The following TPM2 variants were observed in gnomAD, a reference collection of about 807,000 sequenced individuals.
TPM2 encodes the protein tropomyosin 2, also known as tropomyosin beta chain.
TPM2 carries 26 observed loss-of-function variants against 41.0 expected under a neutral mutation model. The observed-to-expected ratio is 0.63, with a 90% CI of 0.46 to 0.88. TPM2 has a LOEUF of 0.88. TPM2 is among the 40% of genes least tolerant of loss of function. TPM2 has a pLI of 0.00. For missense variants in TPM2, 187 were observed against 355.2 expected, an observed-to-expected ratio of 0.53 and a Z score of 3.81; for synonymous variants, 143 against 139.3, an observed-to-expected ratio of 1.03 and a Z score of -0.19.
At position 35,685,500 on chromosome 9, in the gene TPM2, T is replaced by C. The variant is rs374856808; in HGVS notation, c.426A>G (p.Glu142=). Residue 142 remains glutamate (E), a synonymous_variant, in exon 4 of 9, where the codon GAA becomes GAG. Coordinates refer to ENST00000645482, the MANE Select transcript of TPM2 (RefSeq NM_003289.4). The surrounding 1 kb of genome is among the most constrained non-coding windows in gnomAD (Gnocchi z 5.0). ...NRAMKDEEKM[E]LQEMQLKEAK... ...CCTCCTTCAGCTGCATCTCCTGCAG[T>C]TCCATCTTCTCCTCATCCTTCATGG... 6.2e-7 allele frequency: 1 copy of C among 1,614,198 alleles called. No individual in the cohort carries two copies. Among genetic ancestry groups the C allele is most frequent in the Non-Finnish European group, 8.5e-7 (1 of 1,180,020 alleles).
rs1466974246 is a variant in TPM2, at chr9:35,689,744, G to A, written c.74C>T (p.Ala25Val). 6.2e-7 allele frequency: 1 copy of A among 1,613,794 alleles called. No homozygotes were observed. Among genetic ancestry groups the A allele is most frequent in the African/African-American group, 1.3e-5 (1 of 75,040 alleles). Reference protein sequence around the residue: ...KENAIDRAEQAEADKKQAEDR... With the variant: ...KENAIDRAEQVEADKKQAEDR... The stretch of plus-strand genomic sequence containing the variant: ...CTCAGCTTGCTTCTTGTCGGCTTCG[G>A]CCTGCTCGGCGCGGTCGATGGCGTT... Residue 25 changes from alanine (A) to valine (V), a missense_variant, in exon 1 of 9, where the codon GCC (alanine) becomes GTC (valine). Physicochemically the swap from Ala to Val is moderately conservative, Grantham distance 64. Transcript: ENST00000645482.
At chr9:35,682,523 C>A, downstream of TPM2, 4 of 1,256,918 alleles carry the variant, frequency 3.2e-6, no homozygotes, top group Non-Finnish European at 4.1e-6. Flanking sequence ...AGAAAACAGA[C>A]CTGCTGCTGC....
intron 1 of TPM2, 85 bp downstream of exon 1, chr9:35,689,619 A>G (rs1041166495): frequency 1.3e-6 from 2 of 1,596,248 alleles, no homozygotes; most frequent in Non-Finnish European, 1.7e-6. Context: ...CTTGGCGGGC[A>G]GGCCCGGGGC....
chr9:35,689,170 C>T lies in TPM2; in HGVS notation c.216G>A (p.Glu72=). The T allele has an allele frequency of 6.2e-7, 1 of 1,614,218 alleles. No homozygotes were observed. The highest frequency in any genetic ancestry group is 8.5e-7 in the Non-Finnish European group (1 of 1,180,036). Residue 72 remains glutamate (E), a synonymous_variant, in exon 2 of 9, where the codon GAG becomes GAA. Transcript: ENST00000645482. The stretch of plus-strand genomic sequence containing the variant: ...CATCAGTGGCCTTCTTCTCGGCCTG[C>T]TCCAGTTTCTCCTGGGCCTCCTTCA... ...ESVKEAQEKL[E]QAEKKATDAE... is the part of the protein sequence containing the mutation.
chr9:35,682,465 A>G (rs1824618567), downstream of TPM2: 2 of 1,317,540 alleles, frequency 1.5e-6, no homozygotes, highest in Non-Finnish European at 2.0e-6. Context: ...AGAAGGTAAG[A>G]CAAAGACTGC....
chr9:35,682,519 CA>C, downstream of TPM2: 1 of 1,260,646 alleles, frequency 7.9e-7, no homozygotes, highest in Non-Finnish European at 1.0e-6. Flanking sequence ...AGGTAGAAAA[CA>C]GACCTGCTGC....
intron 2 of TPM2, among the ~76,000 whole-genome samples, chr9:35,688,236 A>C (rs1825044749): frequency 6.6e-6 from 1 of 152,218 alleles, no homozygotes; most frequent in South Asian, 2.1e-4. Flanking sequence ...AGGTCACAGA[A>C]GCCCAACCCC....
intron 8 of TPM2, among the ~76,000 whole-genome samples, 156 bp from the exon 9 acceptor site, chr9:35,683,397 T>G (rs1288400338): frequency 1.3e-5 from 2 of 152,138 alleles, no homozygotes; most frequent in African/African-American, 4.8e-5. Context: ...GCTGGACAGC[T>G]GTCAGGAACT....
chr9:35,682,019 G>C, downstream of TPM2: 1 of 1,557,666 alleles, frequency 6.4e-7, no homozygotes, highest in Non-Finnish European at 8.9e-7. Flanking sequence ...TGAGAGGCTA[G>C]TAACATCAGT....
In TPM2 at chr9:35,685,254, C is replaced by T. The variant is rs759495779; in HGVS notation, c.563+15G>A. 1.2e-6 allele frequency: 2 copies of T among 1,614,196 alleles called. No individual in the cohort carries two copies. The highest frequency in any genetic ancestry group is 2.2e-5 in the East Asian group (1 of 44,866). On this transcript the variant is annotated intron_variant, in intron 5 of 8. Coordinates refer to ENST00000645482, the MANE Select transcript of TPM2 (RefSeq NM_003289.4). The surrounding 1 kb of genome is among the most constrained non-coding windows in gnomAD (Gnocchi z 5.0). ...AGGGCCAATGGGCTCACTTGTCACC[C>T]CCGGGTATCTTTACCTCTCGGCCAC...
downstream of TPM2, chr9:35,682,242 C>A: frequency 6.9e-7 from 1 of 1,458,920 alleles, no homozygotes; most frequent in Non-Finnish European, 9.6e-7. Context: ...GGGAAGGTGA[C>A]ATATAGACAT....
upstream of TPM2, chr9:35,689,978 C>T: frequency 1.3e-6 from 2 of 1,504,240 alleles, no homozygotes; most frequent in Non-Finnish European, 1.8e-6. Context: ...CCGGGCGGGG[C>T]CGGCAACCAG....
intron 2 of TPM2, 51 bp downstream of exon 2, chr9:35,689,095 C>G (rs757863746): frequency 1.9e-6 from 3 of 1,609,922 alleles, no homozygotes; most frequent in Admixed American, 3.3e-5. Context: ...ACCCGGGGGG[C>G]CCCTTCCCAG....
At chr9:35,682,222 G>T, downstream of TPM2, 1 of 1,566,786 alleles carries the variant, frequency 6.4e-7, no homozygotes, top group Non-Finnish European at 8.8e-7. Flanking sequence ...ACGTGGGGAG[G>T]CAGGGCCAGG....
At position 35,684,559 on chromosome 9, in the gene TPM2, G is replaced by GAC. The variant is rs1824762591; in HGVS notation, c.640-11_640-10dup. 1 of 1,614,084 alleles carries GAC rather than the reference G, an allele frequency of 6.2e-7. No homozygotes were observed. Among genetic ancestry groups the GAC allele is most frequent in the Non-Finnish European group, 8.5e-7 (1 of 1,179,996 alleles). ...TCTTCTTTGGTGGAATACTTTTGGG[G>GAC]ACACACACACGCCATCAGTACAGCG... is the stretch of plus-strand genomic sequence containing the variant. On this transcript the variant is annotated splice_polypyrimidine_tract_variant and intron_variant, in intron 6 of 8. Transcript: ENST00000645482.
In TPM2 at chr9:35,685,192, G is replaced by T. The variant is rs1824825541; in HGVS notation, c.563+77C>A. On this transcript the variant is annotated intron_variant, in intron 5 of 8. Transcript: ENST00000645482. This position sits in a 1 kb window ranked among gnomAD's most constrained non-coding sequence, Gnocchi z 5.0. Reference sequence around the variant, plus strand: ...ACAGGGCCTGTCCCTACAGCCCCAAGCCTAGGATGCTACCTTCCCACTGTG... The same window carrying T: ...ACAGGGCCTGTCCCTACAGCCCCAATCCTAGGATGCTACCTTCCCACTGTG... 8 of 1,614,162 alleles carry T rather than the reference G, an allele frequency of 5.0e-6. No individual in the cohort carries two copies. The highest frequency in any genetic ancestry group is 6.8e-6 in the Non-Finnish European group (8 of 1,180,008).
chr9:35,685,224 G>T lies in TPM2; in HGVS notation c.563+45C>A. On this transcript the variant is annotated intron_variant, in intron 5 of 8. Coordinates refer to ENST00000645482, the MANE Select transcript of TPM2 (RefSeq NM_003289.4). This position sits in a 1 kb window ranked among gnomAD's most constrained non-coding sequence, Gnocchi z 5.0. ...ATGCTACCTTCCCACTGTGTGGAAG[G>T]CCCCAGGGCCAATGGGCTCACTTGT... is the stretch of plus-strand genomic sequence containing the variant. 1.2e-6 allele frequency: 2 copies of T among 1,614,110 alleles called. No individual in the cohort carries two copies. The highest frequency in any genetic ancestry group is 1.7e-6 in the Non-Finnish European group (2 of 1,179,992).
chr9:35,682,900 G>A, downstream of TPM2: 4 of 1,484,646 alleles, frequency 2.7e-6, no homozygotes, highest in Admixed American at 2.1e-5. Flanking sequence ...CGATAGAGGT[G>A]CTCTCTGGAG....
intron 8 of TPM2, 106 bp from the exon 9 acceptor site, chr9:35,683,347 G>A (rs1156246943): frequency 1.5e-5 from 17 of 1,150,022 alleles, no homozygotes; most frequent in Non-Finnish European, 5.1e-6. Context: ...AGAATCAGAG[G>A]TACACAAAGA....
Sources: gnomAD v4.1 joint callset for allele counts (sites outside exome capture counted in the v4.1 genomes callset) on GRCh38, gnomAD v4.1.1 for gene constraint, Gnocchi (gnomAD v3.1) non-coding constraint, MANE v1.5 for transcripts, NCBI Gene and HGNC (gene_info 2026-07-23, HGNC 2026-07-21) for gene names.